ZMAT4: variants seen among roughly 807,000 people sequenced by gnomAD.
ZMAT4 encodes zinc finger matrin-type protein 4.
A neutral mutation model predicts 28.7 loss-of-function variants in ZMAT4; 17 were observed. That is an observed-to-expected ratio of 0.59 (90% CI 0.41 to 0.89). The LOEUF (loss-of-function observed/expected upper bound fraction) is 0.89. Ranked by LOEUF, ZMAT4 falls within the 40% of genes least tolerant of loss-of-function variation. ZMAT4 has a pLI of 0.00. For synonymous variants in ZMAT4, 117 were observed against 109.2 expected, an observed-to-expected ratio of 1.07 and a Z score of -0.44; for missense variants, 240 against 283.8, an observed-to-expected ratio of 0.85 and a Z score of 1.11.
chr8:40,662,256 T>C (rs1034172811), intron 5 of ZMAT4, among the ~76,000 whole-genome samples: 5 of 152,276 alleles, frequency 3.3e-5, no homozygotes, highest in Non-Finnish European at 7.4e-5. Context: ...GCTGGGATTC[T>C]AAGCATAAGC....
chr8:40,756,207 C>G (rs1812670103), intron 3 of ZMAT4, among the ~76,000 whole-genome samples: 1 of 151,900 alleles, frequency 6.6e-6, no homozygotes, highest in Non-Finnish European at 1.5e-5. Flanking sequence ...ACATCAAGTT[C>G]TGTGTATTTG....
At chr8:40,865,953 G>A (rs750894773) in intron 1 of ZMAT4, among the ~76,000 whole-genome samples, 12 of 152,348 alleles carry the variant, frequency 7.9e-5, no homozygotes, top group Non-Finnish European at 1.5e-4. Context: ...GACTGGATTC[G>A]ACAAAGCCTC....
intron 5 of ZMAT4, among the ~76,000 whole-genome samples, chr8:40,593,860 C>A (rs1263982969): frequency 6.6e-6 from 1 of 152,152 alleles, no homozygotes; most frequent in Non-Finnish European, 1.5e-5. Flanking sequence ...GCTCTTAGAT[C>A]TTCATTCTCC....
At chr8:40,786,679 C>T in intron 2 of ZMAT4, 1 of 1,287,644 alleles carries the variant, frequency 7.8e-7, no homozygotes. Flanking sequence ...CCTTGTGCCT[C>T]CCAACTTACG....
chr8:40,768,410 CTG>C (rs1813249932), intron 2 of ZMAT4, among the ~76,000 whole-genome samples: 1 of 152,198 alleles, frequency 6.6e-6, no homozygotes, highest in African/African-American at 2.4e-5. Flanking sequence ...CATGGAGAAA[CTG>C]ATGCCTTCTT....
intron 2 of ZMAT4, among the ~76,000 whole-genome samples, chr8:40,824,711 AGAAT>A (rs1189963796): frequency 1.4e-5 from 2 of 146,836 alleles, no homozygotes; most frequent in Admixed American, 6.7e-5. Context: ...AAGAAAAGAA[AGAAT>A]GAAAGAAAGA....
At chr8:40,600,913 C>T (rs1805280777) in intron 5 of ZMAT4, among the ~76,000 whole-genome samples, 1 of 152,120 alleles carries the variant, frequency 6.6e-6, no homozygotes, top group African/African-American at 2.4e-5. Flanking sequence ...GTCCCTCTAG[C>T]CCAATGGGTT....
At chr8:40,843,978 A>T (rs1816790525) in intron 1 of ZMAT4, among the ~76,000 whole-genome samples, 1 of 152,188 alleles carries the variant, frequency 6.6e-6, no homozygotes, top group African/African-American at 2.4e-5. Context: ...TGCACCTAGA[A>T]AACGGAGACT....
rs568960642 is a variant in ZMAT4 at position 40,886,686 on chromosome 8, C to T, written c.-5+10997G>A. On this transcript the variant is annotated intron_variant, in intron 1 of 6. Transcript: ENST00000297737. ...TTGTTGCTGTGCCATGAGCTGCTCC[C>T]GAATTTCTGAACATCCCTCCTGGGT... Among the ~76,000 whole-genome samples the T allele has an allele frequency of 3.0e-4, 46 of 152,300 alleles. 1 individual carries two copies. The highest frequency in any genetic ancestry group is 1.2e-3 in the East Asian group (6 of 5,182).
chr8:40,744,752 T>G (rs1812148179), intron 3 of ZMAT4, among the ~76,000 whole-genome samples: 1 of 151,934 alleles, frequency 6.6e-6, no homozygotes, highest in Non-Finnish European at 1.5e-5. Context: ...GAAGAAAGAG[T>G]AAAATGTTTT....
At chr8:40,643,141 T>G (rs1435698156) in intron 5 of ZMAT4, among the ~76,000 whole-genome samples, 1 of 152,160 alleles carries the variant, frequency 6.6e-6, no homozygotes, top group Non-Finnish European at 1.5e-5. Flanking sequence ...CTTCCCAGTG[T>G]GTTTAACCAA....
At chr8:40,675,364 A>G (rs1005716577) in intron 4 of ZMAT4, among the ~76,000 whole-genome samples, 2 of 151,982 alleles carry the variant, frequency 1.3e-5, no homozygotes, top group South Asian at 2.1e-4. Flanking sequence ...GCATTTAGAG[A>G]AAAAAAATGT....
At chr8:40,687,408 A>T (rs2150485021) in intron 4 of ZMAT4, among the ~76,000 whole-genome samples, 1 of 152,250 alleles carries the variant, frequency 6.6e-6, no homozygotes, top group Non-Finnish European at 1.5e-5. Context: ...AAGGATTATT[A>T]ATACCTGATG....
At chr8:40,715,160 C>T (rs944073851) in intron 3 of ZMAT4, among the ~76,000 whole-genome samples, 13 of 151,712 alleles carry the variant, frequency 8.6e-5, no homozygotes, top group Admixed American at 6.6e-4. Context: ...GAACAGCATT[C>T]GAAGTAGAAG....
At chr8:40,833,784 C>T (rs952878488) in intron 1 of ZMAT4, among the ~76,000 whole-genome samples, 2 of 152,128 alleles carry the variant, frequency 1.3e-5, no homozygotes, top group Non-Finnish European at 2.9e-5. Context: ...GCTTGAAGGA[C>T]CTTTTCAATT....
At chr8:40,653,722 T>C (rs908804012) in intron 5 of ZMAT4, among the ~76,000 whole-genome samples, 13 of 151,758 alleles carry the variant, frequency 8.6e-5, no homozygotes, top group Admixed American at 5.3e-4. Context: ...CAGGAAAAAA[T>C]AGAATGTGTG....
At chr8:40,739,340 T>C (rs1209602557) in intron 3 of ZMAT4, among the ~76,000 whole-genome samples, 1 of 152,204 alleles carries the variant, frequency 6.6e-6, no homozygotes, top group Non-Finnish European at 1.5e-5. Context: ...TCTTAACCTG[T>C]GGGTGCCTTG....
chr8:40,752,984 G>A lies in ZMAT4; in HGVS notation c.192+14657C>T, dbSNP rs571322322. Among the ~76,000 whole-genome samples the A allele has an allele frequency of 6.6e-5, 10 of 152,054 alleles. No individual in the cohort carries two copies. In the South Asian group the frequency reaches 1.2e-3, roughly 19 times the overall value. ...AGTGGTTTGCTGCACCTATCAACCC[G>A]TCATCTAGGTTTTAAGCCCTGTATG... On this transcript the variant is annotated intron_variant, in intron 3 of 6. Transcript: ENST00000297737.
At chr8:40,668,378 G>A (rs1349901008) in intron 5 of ZMAT4, among the ~76,000 whole-genome samples, 2 of 150,714 alleles carry the variant, frequency 1.3e-5, no homozygotes, top group African/African-American at 2.4e-5. Context: ...GCTGAGGCAG[G>A]AGAATTGCTT....
Sources: gnomAD v4.1 joint callset for allele counts (sites outside exome capture counted in the v4.1 genomes callset) on GRCh38, gnomAD v4.1.1 for gene constraint, MANE v1.5 for transcripts, NCBI Gene and HGNC (gene_info 2026-07-23, HGNC 2026-07-21) for gene names.